Variants in MTR observed in about 807,000 individuals in gnomAD.
MTR encodes 5-methyltetrahydrofolate-homocysteine methyltransferase, also known as methionine synthase.
A neutral mutation model predicts 154.8 loss-of-function variants in MTR; 84 were observed. That is an observed-to-expected ratio of 0.54 (90% confidence interval 0.45 to 0.65). The LOEUF (loss-of-function observed/expected upper bound fraction) is 0.65, where lower values mean the gene tolerates loss of function less well. MTR is among the 30% of genes least tolerant of loss of function. The pLI is 0.00. For synonymous variants in MTR, 554 were observed against 553.9 expected, an observed-to-expected ratio of 1.00 and a Z score of 0.00; for missense variants, 1,275 against 1,570.2, an observed-to-expected ratio of 0.81 and a Z score of 3.18.
rs1666866192 is a variant in MTR, at chr1:236,900,377, C to T, written c.*2733C>T. 5.8e-6 allele frequency: 1 copy of T among 173,714 alleles called. No homozygotes were observed. Among genetic ancestry groups the T allele is most frequent in the Admixed American group, 6.1e-5 (1 of 16,312 alleles). The allele number at this position is 173,714 out of a possible 1,614,324, so 10.8% of individuals were successfully genotyped here. A position where few individuals can be genotyped will look rare whatever the true frequency, so the allele number is the denominator to read the frequency against. On this transcript the variant is annotated 3_prime_UTR_variant, in exon 33 of 33. Coordinates refer to ENST00000366577, the MANE Select transcript of MTR (RefSeq NM_000254.3). ...CAAGCAAAACCAAAGAATATGTAGTCTAAGCATACGTATACAATAAAACTA... is the reference window on the plus strand; with the variant it reads ...CAAGCAAAACCAAAGAATATGTAGTTTAAGCATACGTATACAATAAAACTA...
In MTR at chr1:236,895,444, C is replaced by A. The variant is rs12070777; in HGVS notation, c.3492C>A (p.Arg1164=). The change falls in exon 31 of 33, where the codon CGC becomes CGA. Residue 1164 remains arginine, a synonymous_variant. Coordinates refer to ENST00000366577, the MANE Select transcript of MTR (RefSeq NM_000254.3). ...AGCAGCTGGACGTCGCAGACCTGCG[C>A]AGGCTGCGGTACAAGGGCATCCGCC... The part of the protein sequence containing the change: ...GSEQLDVADL[R]RLRYKGIRPA... The A allele has an allele frequency of 0.39, 630,757 of 1,600,128 alleles. 127,060 individuals carry two copies. Among genetic ancestry groups the A allele is most frequent in the East Asian group, 0.46 (20,225 of 44,402 alleles).
Position 236,850,481 on chromosome 1 carries a change from C to T in MTR, c.1653C>T (p.Asn551=). Residue 551 remains asparagine (N), a synonymous_variant, in exon 16 of 33, where the codon AAC becomes AAT. Transcript: ENST00000366577. ...TTGGGACTGGAATGGAGGAACACAA[C>T]TTGTATGCCATTAATTTTATCCATG... The part of the protein sequence containing the change: ...LTIGTGMEEH[N]LYAINFIHAT... 6.2e-7 allele frequency: 1 copy of T among 1,613,710 alleles called. No homozygotes were observed. The highest frequency in any genetic ancestry group is 1.3e-5 in the African/African-American group (1 of 74,950).
At chr1:236,830,066 A>C (rs1055732158) in intron 12 of MTR, among the ~76,000 whole-genome samples, 2 of 152,264 alleles carry the variant, frequency 1.3e-5, no homozygotes, top group African/African-American at 4.8e-5. Flanking sequence ...AAAATAAATT[A>C]CGAATGACAG....
At chr1:236,891,478 C>T (rs1399222944) in intron 29 of MTR, 149 bp downstream of exon 29, 1 of 860,402 alleles carries the variant, frequency 1.2e-6, no homozygotes, top group Non-Finnish European at 1.9e-6. Context: ...CACGCCCAAG[C>T]CCAAGCCATC....
At chr1:236,827,169 C>G (rs545055058) in intron 11 of MTR, among the ~76,000 whole-genome samples, 1 of 152,120 alleles carries the variant, frequency 6.6e-6, no homozygotes, top group Non-Finnish European at 1.5e-5. Context: ...CAAGCAAGAC[C>G]GTGTCAAGAC....
intron 26 of MTR, 101 bp downstream of exon 26, chr1:236,885,320 AG>A (rs1271897134): frequency 3.9e-6 from 3 of 776,634 alleles, no homozygotes; most frequent in African/African-American, 3.4e-5. Context: ...GGAGTGTAAA[AG>A]GCTTTGGATC....
At chr1:236,850,746 G>T (rs895506667) in intron 16 of MTR, among the ~76,000 whole-genome samples, 1 of 152,060 alleles carries the variant, frequency 6.6e-6, no homozygotes, top group Non-Finnish European at 1.5e-5. Flanking sequence ...TGATGAACTC[G>T]CTTGAACCCA....
At chr1:236,887,418 CT>C (rs1666075742) in intron 27 of MTR, among the ~76,000 whole-genome samples, 1 of 152,152 alleles carries the variant, frequency 6.6e-6, no homozygotes, top group Admixed American at 6.5e-5. Context: ...AAAGGAGTTA[CT>C]TTTTGGAAAT....
intron 15 of MTR, among the ~76,000 whole-genome samples, chr1:236,846,716 A>G (rs1014262821): frequency 2.0e-5 from 3 of 151,818 alleles, no homozygotes; most frequent in African/African-American, 4.8e-5. Context: ...TGTTGTTTTT[A>G]TTGTAATTGG....
chr1:236,884,944 C>T (rs1046712358), intron 25 of MTR, among the ~76,000 whole-genome samples, 177 bp from the exon 26 acceptor site: 40 of 152,188 alleles, frequency 2.6e-4, no homozygotes, highest in African/African-American at 9.2e-4. Flanking sequence ...AGGGTTTGAA[C>T]ATCCCAAGCC....
intron 25 of MTR, 33 bp from the exon 26 acceptor site, chr1:236,885,088 T>C: frequency 7.3e-7 from 1 of 1,364,792 alleles, no homozygotes. Context: ...TTTTATCATC[T>C]TTTGCTCATC....
At chr1:236,869,394 G>A (rs1005197830) in intron 22 of MTR, among the ~76,000 whole-genome samples, 2 of 151,946 alleles carry the variant, frequency 1.3e-5, no homozygotes, top group South Asian at 2.1e-4. Context: ...ACAAAGTCTC[G>A]CTAATGTTGC....
rs781485664 is a variant in MTR, at chr1:236,894,322, C to T, written c.3205-35C>T. 32 of 1,606,264 alleles carry T rather than the reference C, an allele frequency of 2.0e-5. No individual in the cohort carries two copies. The Middle Eastern group carries it at 4.9e-4, about 25-fold the overall frequency. ...GCTGGCGCCACGTTCTTGCTAACGG[C>T]GCCCCCGCACACTCCTACACTCCTT... is the stretch of plus-strand genomic sequence containing the variant. On this transcript the variant is annotated intron_variant, in intron 29 of 32. Coordinates refer to ENST00000366577, the MANE Select transcript of MTR (RefSeq NM_000254.3).
intron 31 of MTR, among the ~76,000 whole-genome samples, chr1:236,896,110 T>C (rs772163944): frequency 6.6e-6 from 1 of 152,266 alleles, no homozygotes. Context: ...CAAGCTGGCA[T>C]GTGCCTTTCT....
chr1:236,876,504 T>G (rs2147887845), intron 24 of MTR, among the ~76,000 whole-genome samples: 1 of 152,334 alleles, frequency 6.6e-6, no homozygotes, highest in East Asian at 1.9e-4. Context: ...ATGAAAGACT[T>G]TAATATCAAC....
intron 8 of MTR, chr1:236,820,604 AGTTTCCGT>A: frequency 1.8e-6 from 1 of 554,720 alleles, no homozygotes; most frequent in Non-Finnish European, 3.2e-6. Flanking sequence ...AAAAAAAAAA[AGTTTCCGT>A]AAACATTCAT....
chr1:236,830,947 C>G (rs1313274405), intron 12 of MTR, among the ~76,000 whole-genome samples: 1 of 152,200 alleles, frequency 6.6e-6, no homozygotes, highest in African/African-American at 2.4e-5. Context: ...GCAAAGGTCT[C>G]AAAAGCCATT....
At chr1:236,884,594 T>C (rs1259401345) in intron 25 of MTR, among the ~76,000 whole-genome samples, 1 of 152,184 alleles carries the variant, frequency 6.6e-6, no homozygotes, top group Non-Finnish European at 1.5e-5. Context: ...TGGATGGTGC[T>C]TATTTCTTCC....
At chr1:236,872,028 AATTTT>A (rs1262558340) in intron 22 of MTR, among the ~76,000 whole-genome samples, 1 of 152,078 alleles carries the variant, frequency 6.6e-6, no homozygotes, top group Non-Finnish European at 1.5e-5. Context: ...TTGCCTATTT[AATTTT>A]AAGAATTGTT....
Sources: allele counts gnomAD v4.1 joint callset (sites outside exome capture counted in the v4.1 genomes callset), GRCh38; gene constraint gnomAD v4.1.1; transcripts MANE v1.5; gene names NCBI Gene and HGNC (gene_info 2026-07-23, HGNC 2026-07-21).